ZFAND6: variants seen among roughly 807,000 people sequenced by gnomAD.
ZFAND6 encodes zinc finger AN1-type containing 6.
Under a neutral mutation model 24.5 loss-of-function variants are expected in ZFAND6, and 12 were observed. The observed-to-expected ratio is 0.49, with a 90% confidence interval of 0.31 to 0.79. The LOEUF (loss-of-function observed/expected upper bound fraction) is 0.79, where lower values mean the gene tolerates loss of function less well. Among genes scored for constraint, ZFAND6 ranks in the 30% least tolerant of loss-of-function variants. The pLI, the probability that ZFAND6 is intolerant of heterozygous loss-of-function variation, is 0.04. For synonymous variants in ZFAND6, 92 were observed against 81.5 expected (o/e 1.13, Z -0.69); for missense variants, 207 against 245.9 (o/e 0.84, Z 1.06).
intron 1 of ZFAND6, chr15:80,075,297 C>T: frequency 4.0e-6 from 1 of 250,074 alleles, no homozygotes; most frequent in Non-Finnish European, 8.1e-6. Context: ...AATGTTATTG[C>T]TACCAAATAG....
intron 1 of ZFAND6, among the ~76,000 whole-genome samples, chr15:80,071,179 C>G (rs1009090315): frequency 1.3e-5 from 2 of 152,134 alleles, no homozygotes; most frequent in African/African-American, 4.8e-5. Context: ...CCTTTGTATT[C>G]AAAACAATTT....
chr15:80,095,938 C>G (rs767242273), intron 1 of ZFAND6, among the ~76,000 whole-genome samples: 1 of 152,190 alleles, frequency 6.6e-6, no homozygotes, highest in South Asian at 2.1e-4. Context: ...CAGTATCACA[C>G]TTAACATATG....
intron 1 of ZFAND6, among the ~76,000 whole-genome samples, chr15:80,067,457 A>G (rs944174252): frequency 1.3e-5 from 2 of 152,094 alleles, no homozygotes; most frequent in African/African-American, 4.8e-5. Flanking sequence ...CTCATTTTAT[A>G]TTGGGCTTTT....
intron 5 of ZFAND6, among the ~76,000 whole-genome samples, chr15:80,125,097 A>C (rs994624779): frequency 1.3e-5 from 2 of 152,216 alleles, no homozygotes; most frequent in Non-Finnish European, 2.9e-5. Flanking sequence ...AAGAGACAGA[A>C]AAAGTCTCTT....
chr15:80,127,167 T>C (rs1322333737), intron 5 of ZFAND6, among the ~76,000 whole-genome samples: 3 of 152,134 alleles, frequency 2.0e-5, no homozygotes, highest in African/African-American at 7.2e-5. Context: ...TTTGAAATCA[T>C]ATATGTGATA....
chr15:80,081,581 CAGCT>C (rs930936746), intron 1 of ZFAND6, among the ~76,000 whole-genome samples: 1 of 152,180 alleles, frequency 6.6e-6, no homozygotes, highest in Non-Finnish European at 1.5e-5. Flanking sequence ...GGTACAGTAA[CAGCT>C]AGATTAGTTA....
At chr15:80,092,141 GAATTATCAAAGA>G (rs1362078292) in intron 1 of ZFAND6, among the ~76,000 whole-genome samples, 17 of 151,904 alleles carry the variant, frequency 1.1e-4, no homozygotes, top group Admixed American at 1.1e-3. Flanking sequence ...TAACTGGAAT[GAATTATCAAAGA>G]AGATTTATAG....
intron 1 of ZFAND6, among the ~76,000 whole-genome samples, chr15:80,086,101 C>T (rs1017865741): frequency 2.6e-5 from 4 of 152,252 alleles, no homozygotes; most frequent in Non-Finnish European, 5.9e-5. Flanking sequence ...TGCAATGGCG[C>T]GATCTCAGCC....
chr15:80,079,941 C>T (rs71453499), intron 1 of ZFAND6, among the ~76,000 whole-genome samples: 27 of 151,846 alleles, frequency 1.8e-4, no homozygotes, highest in African/African-American at 5.8e-4. Flanking sequence ...TGAGCCACCA[C>T]GCCTGGCCCT....
intron 5 of ZFAND6, among the ~76,000 whole-genome samples, chr15:80,127,661 C>CACCA (rs1301846864): frequency 1.3e-4 from 20 of 149,538 alleles, no homozygotes; most frequent in Non-Finnish European, 1.9e-4. Flanking sequence ...AGTCATGGGA[C>CACCA]ACCACTTCGT....
intron 2 of ZFAND6, among the ~76,000 whole-genome samples, chr15:80,112,353 A>G (rs1445800450): frequency 6.6e-6 from 1 of 152,270 alleles, no homozygotes. Flanking sequence ...ATTCATCCCA[A>G]GTGTTTTGTA....
intron 1 of ZFAND6, among the ~76,000 whole-genome samples, chr15:80,068,872 A>C (rs528920191): frequency 6.6e-6 from 1 of 152,244 alleles, no homozygotes; most frequent in Non-Finnish European, 1.5e-5. Flanking sequence ...AGTGGTAGGG[A>C]CTATATCCAT....
chr15:80,070,487 T>G (rs1038377349), intron 1 of ZFAND6, among the ~76,000 whole-genome samples: 27 of 152,242 alleles, frequency 1.8e-4, no homozygotes, highest in African/African-American at 6.5e-4. Flanking sequence ...CTGCTGCTGC[T>G]GATTTAGAAA....
At chr15:80,102,437 G>T (rs935999498) in intron 2 of ZFAND6, among the ~76,000 whole-genome samples, 1 of 152,150 alleles carries the variant, frequency 6.6e-6, no homozygotes, top group Non-Finnish European at 1.5e-5. Context: ...TTGAATAAAG[G>T]TATTGACAGT....
At position 80,061,190 on chromosome 15, in the gene ZFAND6, A is replaced by G. The variant is rs141587491; in HGVS notation, c.-181+1381A>G. Among the ~76,000 whole-genome samples the G allele has an allele frequency of 1.1e-3, 171 of 152,288 alleles. 3 individuals carry two copies. In the East Asian group the frequency reaches 0.012, roughly 10 times the overall value. On this transcript the variant is annotated intron_variant, in intron 1 of 6. Coordinates refer to ENST00000261749, the MANE Select transcript of ZFAND6 (RefSeq NM_019006.4). ...TTTTATTTTTACTTTTTTACGTTTT[A>G]AAATGTGTTTAAAGGGAGACATCAC...
intron 5 of ZFAND6, chr15:80,129,912 AAG>A (rs1379543923): frequency 6.6e-6 from 1 of 152,214 alleles, no homozygotes; most frequent in African/African-American, 2.4e-5. Context: ...CCAGAGGCAA[AAG>A]AGAGTTTGAT....
intron 1 of ZFAND6, among the ~76,000 whole-genome samples, chr15:80,082,774 T>C (rs959289675): frequency 2.0e-5 from 3 of 152,138 alleles, no homozygotes; most frequent in Non-Finnish European, 4.4e-5. Context: ...GGACCATGCT[T>C]CCCTCCTTGT....
chr15:80,079,649 CTTTTTTTT>C (rs574842440), intron 1 of ZFAND6, among the ~76,000 whole-genome samples: 1 of 120,488 alleles, frequency 8.3e-6, no homozygotes, highest in Non-Finnish European at 1.8e-5. Context: ...TTTTCCTTAG[CTTTTTTTT>C]TTTTTTTTTT....
rs1254225958 is a variant in ZFAND6 at position 80,137,709 on chromosome 15, A to G, written c.*81A>G. 1.4e-6 allele frequency: 2 copies of G among 1,412,170 alleles called. No homozygotes were observed. Among genetic ancestry groups the G allele is most frequent in the Non-Finnish European group, 1.9e-6 (2 of 1,065,432 alleles). The allele number at this position is 1,412,170 out of a possible 1,614,324, so 87.5% of individuals were successfully genotyped here. On this transcript the variant is annotated 3_prime_UTR_variant, in exon 7 of 7. Transcript: ENST00000261749. ...GTTTTTTTTTTCCTAGTCATTGGGA[A>G]TGTAGAGCAGTGTATCTTGCATGTC...
Sources: allele counts gnomAD v4.1 joint callset (sites outside exome capture counted in the v4.1 genomes callset), GRCh38; gene constraint gnomAD v4.1.1; transcripts MANE v1.5; gene names NCBI Gene and HGNC (gene_info 2026-07-23, HGNC 2026-07-21).